The following DCT variants were observed in gnomAD, a reference collection of about 807,000 sequenced individuals.
The protein encoded by DCT is dopachrome tautomerase.
In DCT, 47 loss-of-function variants were observed where a neutral mutation model predicts 53.0. The ratio of observed to expected loss-of-function variants is 0.89; its 90% CI spans 0.70 to 1.13. The LOEUF is 1.13. DCT is among the 50% of genes most tolerant of loss of function. The pLI is 0.00. For synonymous variants in DCT, 244 were observed against 237.0 expected (o/e 1.03, Z -0.27); for missense variants, 669 against 637.4 (o/e 1.05, Z -0.53).
At chr13:94,542,402 G>C in the DCT span, among the ~76,000 whole-genome samples, 13 of 152,258 alleles carry the variant, frequency 8.5e-5, no homozygotes, top group Admixed American at 5.9e-4. Context: ...TGTTGGCCAA[G>C]CTGGTCTCAA....
At position 94,458,571 on chromosome 13, in the gene DCT, A is replaced by C. The variant is rs141644397; in HGVS notation, c.1179+1520T>G. On this transcript the variant is annotated intron_variant, in intron 6 of 7. Coordinates refer to ENST00000377028, the MANE Select transcript of DCT (RefSeq NM_001922.5). The stretch of plus-strand genomic sequence containing the variant: ...GTAATCCCAGGACTTTGGGAGGCTG[A>C]GGTGGGCAGATCAGGAGGTCAGGTG... Among the ~76,000 whole-genome samples the C allele has an allele frequency of 2.1e-3, 324 of 152,232 alleles. 1 individual carries two copies. The highest frequency in any genetic ancestry group is 7.4e-3 in the African/African-American group (309 of 41,564).
At chr13:94,511,438 C>T in the DCT span, among the ~76,000 whole-genome samples, 1 of 151,336 alleles carries the variant, frequency 6.6e-6, no homozygotes, top group African/African-American at 2.4e-5. Context: ...TGGCTTACTG[C>T]AACCTCCACC....
At chr13:94,485,209 G>T in the DCT span, among the ~76,000 whole-genome samples, 5 of 152,094 alleles carry the variant, frequency 3.3e-5, no homozygotes, top group Non-Finnish European at 7.4e-5. Context: ...TGTAGCATGG[G>T]TCTTTTTCTG....
the DCT span, among the ~76,000 whole-genome samples, chr13:94,545,451 C>G: frequency 1.9e-3 from 282 of 152,144 alleles, no homozygotes; most frequent in Admixed American, 3.4e-3. Context: ...TCCAAATGAC[C>G]AGGAATTGAT....
chr13:94,459,154 C>G (rs112907967), intron 6 of DCT, among the ~76,000 whole-genome samples: 1 of 152,246 alleles, frequency 6.6e-6, no homozygotes, highest in Non-Finnish European at 1.5e-5. Flanking sequence ...GCTGAGATTA[C>G]AGTCATGAGC....
the DCT span, among the ~76,000 whole-genome samples, chr13:94,501,366 G>A: frequency 6.6e-6 from 1 of 152,100 alleles, no homozygotes; most frequent in Non-Finnish European, 1.5e-5. Flanking sequence ...AAAAGTGGAT[G>A]GTGTTCATAA....
At chr13:94,476,115 C>T (rs1293846647) in intron 1 of DCT, among the ~76,000 whole-genome samples, 6 of 150,938 alleles carry the variant, frequency 4.0e-5, no homozygotes, top group Admixed American at 4.0e-4. Flanking sequence ...TTCCTTACAG[C>T]CTGGACTTAA....
rs369959297 is a variant in DCT at position 94,460,130 on chromosome 13, G to A, written c.1140C>T (p.Asn380=). The part of the protein sequence containing the change: ...NLVHSFLNGT[N]ALPHSAANDP... Reference sequence around the variant, plus strand: ...CATTGGCGGCTGAATGTGGCAAAGCGTTTGTCCCGTTCAGGAAGGAATGAA... The same window carrying A: ...CATTGGCGGCTGAATGTGGCAAAGCATTTGTCCCGTTCAGGAAGGAATGAA... The change falls in exon 6 of 8, where the codon AAC becomes AAT. Residue 380 remains asparagine, a synonymous_variant. Transcript: ENST00000377028. The A allele has an allele frequency of 1.8e-5, 29 of 1,613,970 alleles. No individual in the cohort carries two copies. Among genetic ancestry groups the A allele is most frequent in the Admixed American group, 3.3e-5 (2 of 59,990 alleles).
chr13:94,545,108 G>A, the DCT span, among the ~76,000 whole-genome samples: 3 of 152,088 alleles, frequency 2.0e-5, no homozygotes, highest in African/African-American at 7.2e-5. Flanking sequence ...GAGATACCTG[G>A]TGTTCAGTCT....
chr13:94,488,083 T>C, the DCT span, among the ~76,000 whole-genome samples: 1 of 152,236 alleles, frequency 6.6e-6, no homozygotes, highest in Non-Finnish European at 1.5e-5. Context: ...TTATTTGCTA[T>C]GCACACTGTG....
At chr13:94,510,239 C>T in the DCT span, among the ~76,000 whole-genome samples, 1 of 152,160 alleles carries the variant, frequency 6.6e-6, no homozygotes, top group Non-Finnish European at 1.5e-5. Flanking sequence ...AGGCCCAGGT[C>T]CCACCTGCAG....
chr13:94,459,052 G>GA (rs113555266), intron 6 of DCT, among the ~76,000 whole-genome samples: 5 of 151,422 alleles, frequency 3.3e-5, no homozygotes, highest in Admixed American at 6.6e-5. Flanking sequence ...AATTTGTAAA[G>GA]GTTTTTGGTA....
the DCT span, among the ~76,000 whole-genome samples, chr13:94,512,786 G>A: frequency 6.6e-6 from 1 of 151,886 alleles, no homozygotes; most frequent in Non-Finnish European, 1.5e-5. Context: ...AAAATACACA[G>A]GAGCTAGAAG....
rs1353581231 is a variant in DCT at position 94,460,336 on chromosome 13, T to G, written c.1044-110A>C. 1.0e-5 allele frequency: 10 copies of G among 964,106 alleles called. No individual in the cohort carries two copies. In the Admixed American group the frequency reaches 2.6e-4, roughly 25 times the overall value. The allele number at this position is 964,106 out of a possible 1,614,324, so 59.7% of individuals were successfully genotyped here. On this transcript the variant is annotated intron_variant, in intron 5 of 7. Transcript: ENST00000377028. The stretch of plus-strand genomic sequence containing the variant: ...TCTAATTTGAGATTGGGTAGGGATA[T>G]GGGAAGCTCTGTCATAGCAAATTGA...
the DCT span, among the ~76,000 whole-genome samples, chr13:94,502,611 T>C: frequency 3.0e-3 from 458 of 152,346 alleles, 1 homozygote; most frequent in Admixed American, 7.2e-3. Context: ...TTCGCTTGCT[T>C]GGCCTCTTTG....
intron 4 of DCT, among the ~76,000 whole-genome samples, chr13:94,463,672 C>T (rs545864878): frequency 2.4e-4 from 37 of 152,280 alleles, no homozygotes; most frequent in African/African-American, 7.2e-4. Flanking sequence ...CTCAAGTGAT[C>T]CCCCTGCCTT....
rs1881970366 is a variant in DCT at position 94,437,438 on chromosome 13, T to C, written c.*2460A>G. 6.6e-6 allele frequency: 1 copy of C among 152,198 alleles called. No individual in the cohort carries two copies. Among genetic ancestry groups the C allele is most frequent in the Admixed American group, 6.5e-5 (1 of 15,282 alleles). The allele number at this position is 152,198 out of a possible 1,614,324, so 9.4% of individuals were successfully genotyped here. A position where few individuals can be genotyped will look rare whatever the true frequency, so the allele number is the denominator to read the frequency against. ...TCCTAAGCAAGATACAAATGTCAAT[T>C]TTAGAATTAGAAGGGAATTTAATGC... On this transcript the variant is annotated 3_prime_UTR_variant, in exon 8 of 8. Coordinates refer to ENST00000377028, the MANE Select transcript of DCT (RefSeq NM_001922.5).
At chr13:94,520,221 C>G in the DCT span, among the ~76,000 whole-genome samples, 4 of 152,148 alleles carry the variant, frequency 2.6e-5, no homozygotes, top group Non-Finnish European at 4.4e-5. Context: ...AAAGACAACC[C>G]TTTGTTCTCT....
the DCT span, among the ~76,000 whole-genome samples, chr13:94,487,083 TA>T: frequency 6.6e-6 from 1 of 152,228 alleles, no homozygotes; most frequent in Admixed American, 6.5e-5. Context: ...TGACTGTAAT[TA>T]AACATTGCAT....
Sources: gnomAD v4.1 joint callset for allele counts (sites outside exome capture counted in the v4.1 genomes callset) on GRCh38, gnomAD v4.1.1 for gene constraint, MANE v1.5 for transcripts, NCBI Gene and HGNC (gene_info 2026-07-23, HGNC 2026-07-21) for gene names.